SLC30A6: variants seen among roughly 807,000 people sequenced by gnomAD.
SLC30A6 encodes the protein zinc transporter 6.
Under a neutral mutation model 63.0 loss-of-function variants are expected in SLC30A6, and 55 were observed. That is an observed-to-expected ratio of 0.87 (90% confidence interval 0.70 to 1.09). The LOEUF (loss-of-function observed/expected upper bound fraction) is 1.09. Ranked by LOEUF, SLC30A6 falls within the 50% of genes least tolerant of loss-of-function variation. SLC30A6 has a pLI of 0.00. For synonymous variants in SLC30A6, 224 were observed against 186.1 expected (o/e 1.20, Z -1.66); for missense variants, 587 against 549.2 (o/e 1.07, Z -0.69).
At chr2:32,208,367 A>G (rs373150942) in intron 12 of SLC30A6, among the ~76,000 whole-genome samples, 1 of 144,288 alleles carries the variant, frequency 6.9e-6, no homozygotes. Context: ...CTGACCTCAA[A>G]TGATCCGCCC....
rs976938115 is a variant in SLC30A6, at chr2:32,221,361, C to T, written c.*648C>T. 6.5e-6 allele frequency: 1 copy of T among 153,266 alleles called. No homozygotes were observed. Among genetic ancestry groups the T allele is most frequent in the African/African-American group, 2.4e-5 (1 of 41,396 alleles). The allele number at this position is 153,266 out of a possible 1,614,324, so 9.5% of individuals were successfully genotyped here. ...TTTTAGTAAAGACGGGGGATTTCAC[C>T]ATGTTGGCCAGGCTGGTCTTGAACT... On this transcript the variant is annotated 3_prime_UTR_variant, in exon 14 of 14. Transcript: ENST00000282587.
chr2:32,218,162 C>T (rs918024975), intron 13 of SLC30A6, among the ~76,000 whole-genome samples: 3 of 151,878 alleles, frequency 2.0e-5, no homozygotes, highest in South Asian at 2.1e-4. Context: ...GGCTCACGCC[C>T]GTAATCCCAG....
rs536929218 is a variant in SLC30A6, at chr2:32,181,659, G to C, written c.219-2614G>C. On this transcript the variant is annotated intron_variant, in intron 4 of 13. Transcript: ENST00000282587. ...AGGCTGGCAGATTCCCTGAGCTCAG[G>C]AGTTCGAAACCACCCTGGGCAACAT... Among the ~76,000 whole-genome samples the C allele has an allele frequency of 9.9e-5, 15 of 152,184 alleles. No homozygotes were observed. The East Asian group carries it at 2.7e-3, about 27-fold the overall frequency.
chr2:32,202,952 C>G (rs1018430545), intron 10 of SLC30A6: 1 of 1,143,234 alleles, frequency 8.7e-7, no homozygotes, highest in Non-Finnish European at 1.3e-6. Flanking sequence ...TCCTTCAAGT[C>G]TACAGTGGGT....
At chr2:32,171,418 AT>A in intron 2 of SLC30A6, 45 bp downstream of exon 2, 1 of 1,425,006 alleles carries the variant, frequency 7.0e-7, no homozygotes, top group Non-Finnish European at 9.9e-7. Context: ...CACAAACAAC[AT>A]TATAACATTG....
At chr2:32,219,932 AT>A (rs1381368800) in intron 13 of SLC30A6, among the ~76,000 whole-genome samples, 1 of 152,018 alleles carries the variant, frequency 6.6e-6, no homozygotes, top group African/African-American at 2.4e-5. Flanking sequence ...CTTACATTGT[AT>A]TTTTTGTATG....
chr2:32,183,382 T>C (rs1682513905), intron 4 of SLC30A6, among the ~76,000 whole-genome samples: 1 of 151,696 alleles, frequency 6.6e-6, no homozygotes. Context: ...AGGAGTATAT[T>C]ATAAGGATGG....
Position 32,202,159 on chromosome 2 carries a change from C to T in SLC30A6, c.666-2431C>T. ...TCCTATTTCTGAAGAGACTATAAAG[C>T]TTCTGAAAGGTTGAGGGGTAACATC... On this transcript the variant is annotated intron_variant, in intron 10 of 13. Transcript: ENST00000282587. The T allele has an allele frequency of 1.0e-5, 8 of 766,020 alleles. No homozygotes were observed. In the East Asian group the frequency reaches 2.3e-4, roughly 22 times the overall value. 47.5% of individuals were successfully genotyped at this position (766,020 alleles called of 1,614,324 possible).
In SLC30A6 at chr2:32,204,573, TTG is replaced by T; in HGVS notation, c.666-15_666-14del. ...TGAGATATAAATTTAAAATTTAGAA[TTG>T]TTTTTTCCTTTTAGTAATTATTTTG... On this transcript the variant is annotated splice_polypyrimidine_tract_variant and intron_variant, in intron 10 of 13. Transcript: ENST00000282587. The T allele has an allele frequency of 6.4e-7, 1 of 1,562,758 alleles. No homozygotes were observed. Among genetic ancestry groups the T allele is most frequent in the South Asian group, 1.1e-5 (1 of 89,844 alleles).
At chr2:32,184,849 T>C (rs1682664220) in intron 5 of SLC30A6, among the ~76,000 whole-genome samples, 1 of 152,242 alleles carries the variant, frequency 6.6e-6, no homozygotes, top group Non-Finnish European at 1.5e-5. Context: ...CATTAAGTTT[T>C]TTATATTTTA....
At position 32,175,003 on chromosome 2, in the gene SLC30A6, A is replaced by G. The variant is rs559230090; in HGVS notation, c.176-316A>G. 2.6e-5 allele frequency among the ~76,000 whole-genome samples: 4 copies of G among 152,112 alleles called. No individual in the cohort carries two copies. In the South Asian group the frequency reaches 8.3e-4, roughly 32 times the overall value. ...TTTTTATTGCATTGTTCTTTTGTTC[A>G]GTTATTCAAACAATACATTTGAAAT... On this transcript the variant is annotated intron_variant, in intron 3 of 13. Transcript: ENST00000282587.
intron 4 of SLC30A6, among the ~76,000 whole-genome samples, chr2:32,183,087 T>C (rs948303396): frequency 1.3e-5 from 2 of 151,880 alleles, no homozygotes; most frequent in South Asian, 4.2e-4. Context: ...CTCAGGAGGC[T>C]GAGGCAGGAG....
intron 10 of SLC30A6, chr2:32,203,338 TGTAG>T (rs1432008846): frequency 9.8e-6 from 9 of 915,594 alleles, no homozygotes; most frequent in Non-Finnish European, 1.7e-5. Flanking sequence ...CTTTTAAATG[TGTAG>T]GTATTCCTTC....
Position 32,193,837 on chromosome 2 carries a change from C to G in SLC30A6, c.402-52C>G, listed in dbSNP as rs369453253. The stretch of plus-strand genomic sequence containing the variant: ...TCCCTCTACGTATTGAAATTACATA[C>G]TGATAATACCAAGAACAAATTAAAG... On this transcript the variant is annotated intron_variant, in intron 7 of 13. Coordinates refer to ENST00000282587, the MANE Select transcript of SLC30A6 (RefSeq NM_017964.5). The G allele has an allele frequency of 7.0e-6, 10 of 1,432,922 alleles. No individual in the cohort carries two copies. The African/African-American group carries it at 1.4e-4, about 20-fold the overall frequency. The allele number at this position is 1,432,922 out of a possible 1,614,324, so 88.8% of individuals were successfully genotyped here. A position where few individuals can be genotyped will look rare whatever the true frequency, so the allele number is the denominator to read the frequency against.
chr2:32,206,653 TA>T (rs1236671970), intron 11 of SLC30A6, among the ~76,000 whole-genome samples: 1 of 152,180 alleles, frequency 6.6e-6, no homozygotes, highest in African/African-American at 2.4e-5. Context: ...GTTGGTTGTT[TA>T]AGTGTTATTT....
chr2:32,206,611 G>A (rs569555606), intron 11 of SLC30A6, among the ~76,000 whole-genome samples: 64 of 152,116 alleles, frequency 4.2e-4, no homozygotes, highest in Non-Finnish European at 8.4e-4. Flanking sequence ...TACGACCTTT[G>A]TAACCATTTC....
At chr2:32,212,700 G>A (rs1017911709) in intron 13 of SLC30A6, among the ~76,000 whole-genome samples, 4 of 144,794 alleles carry the variant, frequency 2.8e-5, no homozygotes, top group Admixed American at 7.2e-5. Context: ...AGGTTCAAGC[G>A]ATCCTTTCAC....
intron 10 of SLC30A6, among the ~76,000 whole-genome samples, chr2:32,198,741 A>C (rs1352989418): frequency 1.3e-5 from 2 of 151,866 alleles, no homozygotes; most frequent in Admixed American, 1.3e-4. Flanking sequence ...CTGCCACCAC[A>C]CCTGGCTAAT....
intron 13 of SLC30A6, among the ~76,000 whole-genome samples, chr2:32,217,696 G>C (rs1038350349): frequency 1.3e-5 from 2 of 152,090 alleles, no homozygotes; most frequent in African/African-American, 4.8e-5. Flanking sequence ...ATCCATGAGC[G>C]TGGAATGTTT....
Sources: allele counts gnomAD v4.1 joint callset (sites outside exome capture counted in the v4.1 genomes callset), GRCh38; gene constraint gnomAD v4.1.1; transcripts MANE v1.5; gene names NCBI Gene and HGNC (gene_info 2026-07-23, HGNC 2026-07-21).